The following NNT variants were observed in gnomAD, a reference collection of about 807,000 sequenced individuals.
The protein encoded by NNT is nicotinamide nucleotide transhydrogenase.
In NNT, 50 loss-of-function variants were observed where a neutral mutation model predicts 104.8. That is an observed-to-expected ratio of 0.48 (90% CI 0.38 to 0.60). The LOEUF (loss-of-function observed/expected upper bound fraction) is 0.60. Among genes scored for constraint, NNT ranks in the 20% least tolerant of loss-of-function variants. The pLI, the probability that NNT is intolerant of heterozygous loss-of-function variation, is 0.00. For missense variants in NNT, 1,131 were observed against 1,330.7 expected, an observed-to-expected ratio of 0.85 and a Z score of 2.33; for synonymous variants, 461 against 490.4, an observed-to-expected ratio of 0.94 and a Z score of 0.79.
intron 17 of NNT, chr5:43,666,834 A>G: frequency 7.2e-7 from 1 of 1,398,428 alleles, no homozygotes; most frequent in Non-Finnish European, 1.0e-6. Flanking sequence ...CTGGAGCTGC[A>G]GCCTGGGCCT....
intron 19 of NNT, among the ~76,000 whole-genome samples, chr5:43,691,389 C>T (rs930447225): frequency 6.6e-6 from 1 of 152,170 alleles, no homozygotes; most frequent in African/African-American, 2.4e-5. Context: ...CAGGTGTGAG[C>T]CACCATGCCC....
chr5:43,609,585 A>AC (rs1347958732), intron 2 of NNT, among the ~76,000 whole-genome samples: 1 of 152,156 alleles, frequency 6.6e-6, no homozygotes, highest in Non-Finnish European at 1.5e-5. Flanking sequence ...AAAAAGATAA[A>AC]CCAGTTGAGT....
chr5:43,623,930 T>G (rs530188382), intron 5 of NNT, 102 bp from the exon 6 acceptor site: 1 of 1,069,434 alleles, frequency 9.4e-7, no homozygotes, highest in Non-Finnish European at 1.5e-6. Flanking sequence ...CACCGCCATT[T>G]ATTGATGCTA....
chr5:43,642,090 A>G (rs1303324716), intron 7 of NNT, among the ~76,000 whole-genome samples: 1 of 152,212 alleles, frequency 6.6e-6, no homozygotes, highest in Non-Finnish European at 1.5e-5. Flanking sequence ...GGCAGGAGAA[A>G]TTAGTTAGAT....
chr5:43,653,534 G>T, intron 14 of NNT: 1 of 157,976 alleles, frequency 6.3e-6, no homozygotes, highest in Non-Finnish European at 1.3e-5. Context: ...GTTCTGCTGG[G>T]TATAAATAAC....
At chr5:43,666,357 G>C (rs1740680623) in intron 17 of NNT, among the ~76,000 whole-genome samples, 1 of 152,192 alleles carries the variant, frequency 6.6e-6, no homozygotes, top group African/African-American at 2.4e-5. Context: ...TTGGGAGGCC[G>C]AGGCTGTCAG....
In NNT at chr5:43,622,498, G is replaced by A. The variant is rs551189461; in HGVS notation, c.688-1534G>A. ...GCTTAGGCTGGTCTTGAGCTCCAAAGCTCAAGCGATCCTCCTGTCTTGGCC... is the reference window on the plus strand; with the variant it reads ...GCTTAGGCTGGTCTTGAGCTCCAAAACTCAAGCGATCCTCCTGTCTTGGCC... On this transcript the variant is annotated intron_variant, in intron 5 of 21. Coordinates refer to ENST00000344920, the MANE Select transcript of NNT (RefSeq NM_182977.3). Among the ~76,000 whole-genome samples, 20 of 152,282 alleles carry A rather than the reference G, an allele frequency of 1.3e-4. No individual in the cohort carries two copies. The East Asian group carries it at 3.7e-3, about 28-fold the overall frequency.
At chr5:43,625,490 A>G (rs1483240563) in intron 6 of NNT, among the ~76,000 whole-genome samples, 1 of 152,090 alleles carries the variant, frequency 6.6e-6, no homozygotes, top group Admixed American at 6.6e-5. Flanking sequence ...TCTAGTCACT[A>G]TTTTGAGATG....
chr5:43,684,192 A>G (rs375925145), intron 19 of NNT, among the ~76,000 whole-genome samples: 3 of 151,758 alleles, frequency 2.0e-5, no homozygotes, highest in Middle Eastern at 3.4e-3. Context: ...TTCCCCTGAG[A>G]TATTTTCGTA....
intron 18 of NNT, among the ~76,000 whole-genome samples, chr5:43,676,889 G>T (rs1364258872): frequency 1.3e-5 from 2 of 152,110 alleles, no homozygotes; most frequent in Admixed American, 1.3e-4. Context: ...GTTGGGATGG[G>T]AGAAGCCAAC....
chr5:43,663,767 AT>A (rs1740492763), intron 17 of NNT, among the ~76,000 whole-genome samples: 1 of 152,148 alleles, frequency 6.6e-6, no homozygotes, highest in Non-Finnish European at 1.5e-5. Context: ...TATTATTCTC[AT>A]TTTACTGAGA....
At chr5:43,667,772 G>T (rs1051683100) in intron 17 of NNT, among the ~76,000 whole-genome samples, 2 of 152,154 alleles carry the variant, frequency 1.3e-5, no homozygotes, top group African/African-American at 4.8e-5. Flanking sequence ...TAATCCCGTG[G>T]GTATATACCC....
intron 19 of NNT, among the ~76,000 whole-genome samples, chr5:43,678,212 C>T (rs1190381044): frequency 6.6e-6 from 1 of 152,252 alleles, no homozygotes; most frequent in East Asian, 1.9e-4. Context: ...TGGTCTTGCT[C>T]TCATGAGTGG....
At chr5:43,642,191 A>G (rs1751272590) in intron 7 of NNT, among the ~76,000 whole-genome samples, 2 of 150,060 alleles carry the variant, frequency 1.3e-5, no homozygotes, top group African/African-American at 4.9e-5. Flanking sequence ...ATAAATAGAG[A>G]AGAGGCTCTG....
At chr5:43,602,869 C>G (rs1748996674), upstream of NNT, 2 of 152,612 alleles carry the variant, frequency 1.3e-5, no homozygotes, top group Admixed American at 1.3e-4. Context: ...CTGAAAACTT[C>G]AGCTGCCGCG....
At chr5:43,616,205 T>C in intron 4 of NNT, 140 bp downstream of exon 4, 1 of 691,336 alleles carries the variant, frequency 1.4e-6, no homozygotes, top group Non-Finnish European at 2.4e-6. Flanking sequence ...ATTTAAATTA[T>C]TTTTGACTCA....
chr5:43,641,436 A>C (rs1751231805), intron 7 of NNT, among the ~76,000 whole-genome samples: 1 of 152,112 alleles, frequency 6.6e-6, no homozygotes, highest in Non-Finnish European at 1.5e-5. Context: ...TTAATTTTAA[A>C]ATTAAAACAT....
chr5:43,666,690 C>T, intron 17 of NNT: 1 of 815,252 alleles, frequency 1.2e-6, no homozygotes, highest in Non-Finnish European at 1.9e-6. Flanking sequence ...GGACCCCAGC[C>T]CCATGCAGAT....
intron 7 of NNT, among the ~76,000 whole-genome samples, chr5:43,631,398 C>T (rs1443815802): frequency 6.6e-6 from 1 of 152,158 alleles, no homozygotes; most frequent in Non-Finnish European, 1.5e-5. Flanking sequence ...TCAGCTGTTT[C>T]ACAGGTGGTT....
Sources: gnomAD v4.1 joint callset for allele counts (sites outside exome capture counted in the v4.1 genomes callset) on GRCh38, gnomAD v4.1.1 for gene constraint, MANE v1.5 for transcripts, NCBI Gene and HGNC (gene_info 2026-07-23, HGNC 2026-07-21) for gene names.